POU6F2: variants seen among roughly 807,000 people sequenced by gnomAD.
POU6F2 encodes POU class 6 homeobox 2.
POU6F2 carries 31 observed loss-of-function variants against 71.3 expected under a neutral mutation model. The ratio of observed to expected loss-of-function variants is 0.43; its 90% CI spans 0.33 to 0.59. The LOEUF (loss-of-function observed/expected upper bound fraction) is 0.59. POU6F2 is among the 20% of genes least tolerant of loss of function. The pLI is 0.04. For missense variants in POU6F2, 783 were observed against 856.8 expected, an observed-to-expected ratio of 0.91 and a Z score of 1.07; for synonymous variants, 347 against 355.7, an observed-to-expected ratio of 0.98 and a Z score of 0.27.
At chr7:39,105,346 T>C (rs1478265134) in intron 2 of POU6F2, among the ~76,000 whole-genome samples, 1 of 152,158 alleles carries the variant, frequency 6.6e-6, no homozygotes, top group Non-Finnish European at 1.5e-5. Context: ...GTAATTGTTA[T>C]TTATAAGAAG....
chr7:39,024,427 GAT>G (rs1176082835), intron 1 of POU6F2, among the ~76,000 whole-genome samples: 1 of 151,934 alleles, frequency 6.6e-6, no homozygotes, highest in Non-Finnish European at 1.5e-5. Flanking sequence ...GGGTTTTCTA[GAT>G]ATACAATCAT....
intron 4 of POU6F2, among the ~76,000 whole-genome samples, chr7:39,322,000 T>C (rs144059007): frequency 2.6e-5 from 4 of 152,176 alleles, no homozygotes; most frequent in Non-Finnish European, 5.9e-5. Flanking sequence ...CCTTATAGTT[T>C]TGAGTTGCTA....
intron 5 of POU6F2, among the ~76,000 whole-genome samples, chr7:39,357,699 G>C (rs1411141630): frequency 3.9e-5 from 6 of 152,202 alleles, no homozygotes; most frequent in Admixed American, 1.3e-4. Context: ...AAGTTTGGAT[G>C]ACTTCTAAAT....
intron 1 of POU6F2, chr7:39,012,967 A>G (rs1039553334): frequency 6.6e-6 from 1 of 152,246 alleles, no homozygotes; most frequent in African/African-American, 2.4e-5. Context: ...AGAGGTTACT[A>G]CTGCTGTCTT....
At chr7:39,361,838 A>C (rs1349412140) in intron 5 of POU6F2, among the ~76,000 whole-genome samples, 2 of 152,212 alleles carry the variant, frequency 1.3e-5, no homozygotes, top group Non-Finnish European at 2.9e-5. Flanking sequence ...GAACACCTAC[A>C]AATGTTTGAG....
chr7:39,429,911 T>C (rs1386704683), intron 6 of POU6F2, among the ~76,000 whole-genome samples: 3 of 152,224 alleles, frequency 2.0e-5, no homozygotes, highest in African/African-American at 4.8e-5. Flanking sequence ...ATTTAAAATA[T>C]GATTTCCACA....
At chr7:39,140,745 T>G (rs558685247) in intron 2 of POU6F2, among the ~76,000 whole-genome samples, 34 of 152,326 alleles carry the variant, frequency 2.2e-4, no homozygotes, top group African/African-American at 8.2e-4. Context: ...GATTCAGAAG[T>G]GGCCATCTCT....
intron 4 of POU6F2, among the ~76,000 whole-genome samples, chr7:39,221,130 TTC>T (rs1206408906): frequency 6.6e-6 from 1 of 152,142 alleles, no homozygotes; most frequent in African/African-American, 2.4e-5. Context: ...TACATTATGT[TTC>T]TCTTGGGCAA....
intron 2 of POU6F2, among the ~76,000 whole-genome samples, chr7:39,181,417 C>G (rs1335016772): frequency 2.0e-5 from 3 of 152,182 alleles, no homozygotes; most frequent in Non-Finnish European, 4.4e-5. Context: ...CTCCAGAGAC[C>G]ATATGTGGAG....
At position 39,466,109 on chromosome 7, in the gene POU6F2, G is replaced by A. The variant is rs1003342955; in HGVS notation, c.*1423G>A. 5 of 152,260 alleles carry A rather than the reference G, an allele frequency of 3.3e-5. No homozygotes were observed. Among genetic ancestry groups the A allele is most frequent in the South Asian group, 2.1e-4 (1 of 4,826 alleles). The allele number at this position is 152,260 out of a possible 1,614,324, so 9.4% of individuals were successfully genotyped here. On this transcript the variant is annotated 3_prime_UTR_variant, in exon 10 of 10. Coordinates refer to ENST00000518318, the MANE Select transcript of POU6F2 (RefSeq NM_001370959.1). ...TTTTCAGGGGGAATAATTACTCTTCGGGATATATAAATGGAGCAGAAAGGT... is the reference window on the plus strand; with the variant it reads ...TTTTCAGGGGGAATAATTACTCTTCAGGATATATAAATGGAGCAGAAAGGT...
chr7:39,431,168 C>T (rs1788090061), intron 6 of POU6F2, among the ~76,000 whole-genome samples: 1 of 152,210 alleles, frequency 6.6e-6, no homozygotes, highest in South Asian at 2.1e-4. Flanking sequence ...TGCAGCCCTG[C>T]CACACTCCCT....
chr7:39,349,830 C>A (rs895431663), intron 5 of POU6F2, among the ~76,000 whole-genome samples: 1 of 152,154 alleles, frequency 6.6e-6, no homozygotes, highest in Non-Finnish European at 1.5e-5. Context: ...AACACCAGTC[C>A]TGGGGCCCTG....
At chr7:39,286,373 T>C (rs1784649817) in intron 4 of POU6F2, among the ~76,000 whole-genome samples, 1 of 152,182 alleles carries the variant, frequency 6.6e-6, no homozygotes. Context: ...CTACCTACAG[T>C]ACTTATATAA....
chr7:39,130,763 G>C (rs1426957983), intron 2 of POU6F2, among the ~76,000 whole-genome samples: 1 of 152,054 alleles, frequency 6.6e-6, no homozygotes, highest in Non-Finnish European at 1.5e-5. Context: ...TGCATTTTTG[G>C]ATGCTAAGTA....
At chr7:39,172,306 A>G (rs181574132) in intron 2 of POU6F2, among the ~76,000 whole-genome samples, 2 of 152,332 alleles carry the variant, frequency 1.3e-5, no homozygotes, top group East Asian at 3.9e-4. Flanking sequence ...CATAATTTAC[A>G]TAACCATTTC....
intron 2 of POU6F2, among the ~76,000 whole-genome samples, chr7:39,176,434 T>C (rs972109210): frequency 4.6e-5 from 7 of 152,218 alleles, no homozygotes; most frequent in Admixed American, 4.6e-4. Flanking sequence ...CCTGCGTGGA[T>C]GGTTACTCAA....
intron 5 of POU6F2, among the ~76,000 whole-genome samples, chr7:39,377,044 T>C (rs1008860453): frequency 2.7e-5 from 4 of 148,222 alleles, no homozygotes; most frequent in African/African-American, 9.8e-5. Flanking sequence ...TGAATTAAAA[T>C]CAATTGTTTA....
intron 1 of POU6F2, chr7:39,006,974 T>A: frequency 1.8e-6 from 2 of 1,095,732 alleles, no homozygotes; most frequent in Non-Finnish European, 2.8e-6. Context: ...CATGTTTCCT[T>A]GAGTCAAATG....
chr7:39,230,954 A>G (rs1259551269), intron 4 of POU6F2, among the ~76,000 whole-genome samples: 1 of 152,320 alleles, frequency 6.6e-6, no homozygotes, highest in African/African-American at 2.4e-5. Flanking sequence ...CTACTCCCCC[A>G]GGGTCACTTG....
Sources: gnomAD v4.1 joint callset for allele counts (sites outside exome capture counted in the v4.1 genomes callset) on GRCh38, gnomAD v4.1.1 for gene constraint, MANE v1.5 for transcripts, NCBI Gene and HGNC (gene_info 2026-07-23, HGNC 2026-07-21) for gene names.